The following COLEC10 variants were observed in gnomAD, a reference collection of about 807,000 sequenced individuals.
COLEC10 encodes the protein collectin subfamily member 10.
A neutral mutation model predicts 28.4 loss-of-function variants in COLEC10; 22 were observed. That is an observed-to-expected ratio of 0.78 (90% CI 0.55 to 1.11). COLEC10 has a LOEUF of 1.11. COLEC10 is among the 50% of genes least tolerant of loss of function. The pLI is 0.00. For synonymous variants in COLEC10, 125 were observed against 116.1 expected (o/e 1.08, Z -0.49); for missense variants, 361 against 344.1 (o/e 1.05, Z -0.39).
chr8:118,992,223 G>A (rs1813515396), upstream of COLEC10, among the ~76,000 whole-genome samples: 1 of 152,080 alleles, frequency 6.6e-6, no homozygotes, highest in African/African-American at 2.4e-5. Flanking sequence ...TTTTTAATAT[G>A]AATTTCAATA....
rs1475696506 is a variant in COLEC10, at chr8:119,106,526, C to T, written c.*335C>T. ...CATCTCTCCCTAGAGCACTCTGTGT[C>T]TATCCCAGTGGATAATTTCCCAGTT... On this transcript the variant is annotated 3_prime_UTR_variant, in exon 6 of 6. Transcript: ENST00000332843. The T allele has an allele frequency of 1.0e-5, 2 of 199,804 alleles. No individual in the cohort carries two copies. Among genetic ancestry groups the T allele is most frequent in the Non-Finnish European group, 2.1e-5 (2 of 95,322 alleles). 12.4% of individuals were successfully genotyped at this position (199,804 alleles called of 1,614,324 possible).
chr8:119,066,594 C>G (rs146362674), upstream of COLEC10, among the ~76,000 whole-genome samples: 1 of 152,352 alleles, frequency 6.6e-6, no homozygotes. Context: ...TCAAATGAAG[C>G]TTTGCCCACA....
intron 2 of COLEC10, among the ~76,000 whole-genome samples, chr8:119,039,966 C>A (rs1210649245): frequency 2.0e-5 from 3 of 152,124 alleles, no homozygotes; most frequent in Non-Finnish European, 4.4e-5. Flanking sequence ...GGTGTGTAAT[C>A]TAACATAGTG....
At chr8:119,051,195 ATAAAT>A (rs1814667518) in intron 2 of COLEC10, among the ~76,000 whole-genome samples, 1 of 152,228 alleles carries the variant, frequency 6.6e-6, no homozygotes, top group African/African-American at 2.4e-5. Context: ...TCAAAATTGA[ATAAAT>A]AAAAGCATGA....
the COLEC10 span, among the ~76,000 whole-genome samples, chr8:118,957,502 T>A: frequency 6.6e-6 from 1 of 152,148 alleles, no homozygotes; most frequent in African/African-American, 2.4e-5. Context: ...CCAAGGGAAC[T>A]GGAGAGAGAT....
chr8:119,002,650 A>G (rs1813722922), intron 1 of COLEC10, among the ~76,000 whole-genome samples: 1 of 152,124 alleles, frequency 6.6e-6, no homozygotes, highest in Non-Finnish European at 1.5e-5. Flanking sequence ...GTTCTATTCC[A>G]ATGACTAAAT....
chr8:119,095,385 C>T (rs544002829), intron 3 of COLEC10, among the ~76,000 whole-genome samples: 42 of 152,264 alleles, frequency 2.8e-4, no homozygotes, highest in African/African-American at 8.7e-4. Flanking sequence ...ATTGATCCAT[C>T]GACTCAATGC....
chr8:119,078,473 G>A (rs1815300197), intron 1 of COLEC10, among the ~76,000 whole-genome samples: 2 of 152,172 alleles, frequency 1.3e-5, no homozygotes, highest in South Asian at 2.1e-4. Context: ...AATTAGGGCT[G>A]TTGGAATAGA....
intron 3 of COLEC10, among the ~76,000 whole-genome samples, chr8:119,093,994 T>C (rs959253031): frequency 9.9e-5 from 15 of 152,180 alleles, no homozygotes; most frequent in Non-Finnish European, 1.5e-5. Flanking sequence ...AACATTTAGT[T>C]TGGAGTTAAT....
the COLEC10 span, among the ~76,000 whole-genome samples, chr8:118,962,187 C>G: frequency 6.6e-6 from 1 of 152,200 alleles, no homozygotes; most frequent in East Asian, 1.9e-4. Context: ...AGAAGAATAA[C>G]TGACTGTGGT....
At chr8:118,955,153 A>G in the COLEC10 span, among the ~76,000 whole-genome samples, 1 of 152,206 alleles carries the variant, frequency 6.6e-6, no homozygotes, top group Non-Finnish European at 1.5e-5. Context: ...GGAGGAGAAA[A>G]ACAGCAGATA....
the COLEC10 span, chr8:118,952,287 G>T: frequency 5.6e-6 from 1 of 177,184 alleles, no homozygotes; most frequent in Admixed American, 5.7e-5. Context: ...TGCTGTGCTT[G>T]TGTCTCCTCC....
intron 2 of COLEC10, among the ~76,000 whole-genome samples, chr8:119,061,066 G>C (rs1364131455): frequency 1.3e-5 from 2 of 151,870 alleles, no homozygotes; most frequent in African/African-American, 4.8e-5. Flanking sequence ...AGATATAATA[G>C]GTGCTCAATA....
At chr8:118,990,465 A>G (rs1813488176), upstream of COLEC10, among the ~76,000 whole-genome samples, 1 of 152,182 alleles carries the variant, frequency 6.6e-6, no homozygotes, top group African/African-American at 2.4e-5. Context: ...TGAAGAAAGG[A>G]AGATGGACCT....
At chr8:119,039,400 C>T (rs888191864) in intron 2 of COLEC10, among the ~76,000 whole-genome samples, 2 of 152,180 alleles carry the variant, frequency 1.3e-5, no homozygotes, top group African/African-American at 4.8e-5. Context: ...CTCTGTCTTC[C>T]TCCACCAGAC....
the COLEC10 span, among the ~76,000 whole-genome samples, chr8:118,971,233 C>T: frequency 7.5e-3 from 1,148 of 152,086 alleles, 9 homozygotes; most frequent in Non-Finnish European, 0.011. Flanking sequence ...CACTCCCAAA[C>T]TCCAACCCCA....
At chr8:119,077,638 G>C (rs968793224) in intron 1 of COLEC10, among the ~76,000 whole-genome samples, 1 of 152,166 alleles carries the variant, frequency 6.6e-6, no homozygotes, top group African/African-American at 2.4e-5. Context: ...TCAGTTTTCT[G>C]GTTAGTAAAG....
chr8:119,096,534 T>C (rs1815721973), intron 3 of COLEC10, among the ~76,000 whole-genome samples: 1 of 152,060 alleles, frequency 6.6e-6, no homozygotes, highest in Non-Finnish European at 1.5e-5. Context: ...GAGATTGCAG[T>C]GAGCAAAGAT....
upstream of COLEC10, among the ~76,000 whole-genome samples, chr8:119,067,062 A>C (rs532381434): frequency 6.6e-6 from 1 of 152,244 alleles, no homozygotes; most frequent in South Asian, 2.1e-4. Context: ...TTTTCAATAA[A>C]CTGTTGTCAC....
Sources: gnomAD v4.1 joint callset for allele counts (sites outside exome capture counted in the v4.1 genomes callset) on GRCh38, gnomAD v4.1.1 for gene constraint, MANE v1.5 for transcripts, NCBI Gene and HGNC (gene_info 2026-07-23, HGNC 2026-07-21) for gene names.